The following ZC3H3 variants were observed in gnomAD, a reference collection of about 807,000 sequenced individuals.
ZC3H3 encodes the protein zinc finger CCCH domain-containing protein 3.
A neutral mutation model predicts 77.3 loss-of-function variants in ZC3H3; 36 were observed. The ratio of observed to expected loss-of-function variants is 0.47; its 90% CI spans 0.36 to 0.61. The LOEUF (loss-of-function observed/expected upper bound fraction) is 0.61, where lower values mean the gene tolerates loss of function less well. Ranked by LOEUF, ZC3H3 falls within the 20% of genes least tolerant of loss-of-function variation. ZC3H3 has a pLI of 0.00. For missense variants in ZC3H3, 1,331 were observed against 1,312.2 expected, an observed-to-expected ratio of 1.01 and a Z score of -0.22; for synonymous variants, 626 against 555.2, an observed-to-expected ratio of 1.13 and a Z score of -1.79.
Position 143,536,305 on chromosome 8 carries a change from G to A in ZC3H3, c.1513C>T (p.Arg505Ter), listed in dbSNP as rs746985724. The change falls in exon 3 of 12, where the codon CGA (arginine) becomes TGA (stop). Residue 505 changes from arginine to a stop codon, truncating the protein, a stop_gained. Coordinates refer to ENST00000262577, the MANE Select transcript of ZC3H3 (RefSeq NM_015117.3). LOFTEE classifies it high-confidence loss of function. ...CGGCTCGGTGGCAGGCGACATAGTC[G>A]GTGCGTGGTGACCTGTACCAGGCCC... ...NKGLVQVTTH[R>*]LCRLPPSRAH... is the part of the protein sequence containing the mutation. The A allele has an allele frequency of 1.2e-5, 20 of 1,611,926 alleles. No homozygotes were observed. The highest frequency in any genetic ancestry group is 3.3e-5 in the Admixed American group (2 of 59,902).
intron 3 of ZC3H3, among the ~76,000 whole-genome samples, chr8:143,524,500 CCCAGCTGGGCCAAGAGG>C (rs1822349341): frequency 6.6e-6 from 1 of 152,238 alleles, no homozygotes; most frequent in Admixed American, 6.5e-5. Flanking sequence ...TCAAAGAAAC[CCCAGCTGGGCCAAGAGG>C]CCGCAGCCTC....
intron 1 of ZC3H3, among the ~76,000 whole-genome samples, 174 bp from the exon 2 acceptor site, chr8:143,539,494 G>A (rs902574901): frequency 1.3e-5 from 2 of 152,180 alleles, no homozygotes; most frequent in African/African-American, 2.4e-5. Flanking sequence ...AACTCAGCCC[G>A]CGTCACCTGG....
intron 3 of ZC3H3, among the ~76,000 whole-genome samples, chr8:143,522,699 G>A (rs950453476): frequency 2.6e-5 from 4 of 152,120 alleles, no homozygotes; most frequent in Admixed American, 6.5e-5. Context: ...TAAGCAGATC[G>A]CCTGAGCCCA....
At chr8:143,453,586 G>A (rs1488274197) in intron 9 of ZC3H3, among the ~76,000 whole-genome samples, 1 of 152,072 alleles carries the variant, frequency 6.6e-6, no homozygotes, top group Non-Finnish European at 1.5e-5. Flanking sequence ...GAAAAACAAT[G>A]TCACCAGCAG....
At chr8:143,451,513 T>C (rs1242964917) in intron 9 of ZC3H3, among the ~76,000 whole-genome samples, 1 of 151,972 alleles carries the variant, frequency 6.6e-6, no homozygotes, top group Non-Finnish European at 1.5e-5. Context: ...AAAACTGGCA[T>C]TAAAAAGAAG....
chr8:143,500,709 CA>C (rs1308600786), intron 4 of ZC3H3, among the ~76,000 whole-genome samples: 1 of 152,136 alleles, frequency 6.6e-6, no homozygotes, highest in East Asian at 1.9e-4. Context: ...CCTTTCTGAT[CA>C]GGGGCCCCTC....
chr8:143,538,567 G>C lies in ZC3H3; in HGVS notation c.800C>G (p.Ala267Gly). ...CGGAACTGGCTGATCTGTGTGGCCA[G>C]CATCTACTCTCCTGTCCCCAAGGAG... ...PQLLGDRRVD[A>G]GHTDQPVPSG... Residue 267 changes from alanine to glycine, a missense_variant, in exon 2 of 12, where the codon GCT (alanine) becomes GGT (glycine). Ala to Gly is a moderately conservative substitution (Grantham distance 60, BLOSUM62 0). This residue lies in a region of ZC3H3 where 978 missense variants were observed against 915.5 expected (regional missense o/e 1.07). Transcript: ENST00000262577. The C allele has an allele frequency of 6.2e-7, 1 of 1,611,150 alleles. No homozygotes were observed. Among genetic ancestry groups the C allele is most frequent in the Non-Finnish European group, 8.5e-7 (1 of 1,180,014 alleles).
chr8:143,441,581 AGGGCT>A (rs938473054), intron 9 of ZC3H3, among the ~76,000 whole-genome samples: 1 of 152,160 alleles, frequency 6.6e-6, no homozygotes, highest in Admixed American at 6.5e-5. Context: ...GCACTGGGTC[AGGGCT>A]GGGCTGGGCT....
rs539928786 is a variant in ZC3H3, at chr8:143,460,249, A to AAAATAAATAAATAAATAAAT, written c.2307+5448_2307+5467dup. Among the ~76,000 whole-genome samples the AAAATAAATAAATAAATAAAT allele has an allele frequency of 6.9e-6, 1 of 144,118 alleles. No individual in the cohort carries two copies. Among genetic ancestry groups the AAAATAAATAAATAAATAAAT allele is most frequent in the African/African-American group, 2.5e-5 (1 of 39,578 alleles). 94.5% of individuals were successfully genotyped at this position (144,118 alleles called of 152,430 possible). A position where few individuals can be genotyped will look rare whatever the true frequency, so the allele number is the denominator to read the frequency against. On this transcript the variant is annotated intron_variant, in intron 9 of 11. Coordinates refer to ENST00000262577, the MANE Select transcript of ZC3H3 (RefSeq NM_015117.3). The surrounding 1 kb of genome is among the most constrained non-coding windows in gnomAD (Gnocchi z 4.0). ...GGCGACAGAGTGAGACTATGTCTCAAAAATAAATAAATAAATAAATAAATA... is the reference window on the plus strand; with the variant it reads ...GGCGACAGAGTGAGACTATGTCTCAAAAATAAATAAATAAATAAATAAATAAATAAATAAATAAATAAATA...
intron 4 of ZC3H3, among the ~76,000 whole-genome samples, chr8:143,478,012 C>T (rs1179981885): frequency 6.6e-6 from 1 of 152,176 alleles, no homozygotes; most frequent in Non-Finnish European, 1.5e-5. Context: ...AGTCTGCACT[C>T]TCGGGGGAAG....
rs767990532 is a variant in ZC3H3, at chr8:143,475,423, C to T, written c.1878G>A (p.Ala626=). Residue 626 remains alanine (A), a synonymous_variant, in exon 5 of 12, where the codon GCG becomes GCA. Transcript: ENST00000262577. ...LSKTSGQPSD[A]GSRPLLRTGR... is the part of the protein sequence containing the mutation. ...CTGTGCGCAGGAGGGGCCTGCTGCC[C>T]GCATCACTGGGCTGGCCGGAGGTCT... is the stretch of plus-strand genomic sequence containing the variant. 22 of 1,612,854 alleles carry T rather than the reference C, an allele frequency of 1.4e-5. No individual in the cohort carries two copies. Among genetic ancestry groups the T allele is most frequent in the Middle Eastern group, 1.6e-4 (1 of 6,076 alleles).
intron 11 of ZC3H3, among the ~76,000 whole-genome samples, chr8:143,438,675 G>A (rs1335583337): frequency 5.9e-5 from 9 of 152,136 alleles, no homozygotes; most frequent in Admixed American, 5.9e-4. Context: ...TCACTCACTG[G>A]GTGCCAGCGC....
chr8:143,461,873 C>T (rs416305), intron 9 of ZC3H3, among the ~76,000 whole-genome samples: 151,522 of 152,150 alleles, frequency 1, 75,448 homozygotes, highest in East Asian at 1. Context: ...GAAAGCTGCG[C>T]TGTGGTGCAG....
At position 143,538,824 on chromosome 8, in the gene ZC3H3, C is replaced by A. The variant is rs757777340; in HGVS notation, c.543G>T (p.Gly181=). The A allele has an allele frequency of 1.9e-6, 3 of 1,612,040 alleles. No homozygotes were observed. Among genetic ancestry groups the A allele is most frequent in the Non-Finnish European group, 2.5e-6 (3 of 1,179,610 alleles). The stretch of plus-strand genomic sequence containing the variant: ...GAAGAGGATCTTCCACACTGCAGGT[C>A]CCCCTGGCTCTTGTTGGCCTCGAGG... ...LQPSRPTRAR[G]TCSVEDPLLV... is the part of the protein sequence containing the mutation. Residue 181 remains glycine (G), a synonymous_variant, in exon 2 of 12, where the codon GGG becomes GGT. Transcript: ENST00000262577.
chr8:143,464,905 A>T (rs374933174), intron 9 of ZC3H3, among the ~76,000 whole-genome samples: 1 of 152,238 alleles, frequency 6.6e-6, no homozygotes, highest in African/African-American at 2.4e-5. Context: ...GCGGGGAGAG[A>T]AACAGGCGTG....
At chr8:143,463,175 G>A (rs921513273) in intron 9 of ZC3H3, among the ~76,000 whole-genome samples, 2 of 152,116 alleles carry the variant, frequency 1.3e-5, no homozygotes, top group Non-Finnish European at 2.9e-5. Flanking sequence ...AGTAGAGATG[G>A]GGTTTCACCA....
intron 4 of ZC3H3, among the ~76,000 whole-genome samples, chr8:143,504,624 G>T (rs1821631877): frequency 6.6e-6 from 1 of 152,134 alleles, no homozygotes; most frequent in Admixed American, 6.5e-5. Context: ...TCAGGTTCAC[G>T]CTGCACTGCG....
At chr8:143,445,441 C>A (rs944884403) in intron 9 of ZC3H3, among the ~76,000 whole-genome samples, 1 of 123,836 alleles carries the variant, frequency 8.1e-6, no homozygotes, top group Non-Finnish European at 1.7e-5. Flanking sequence ...AGGTAGGAGG[C>A]CAGGGCGGGA....
At chr8:143,438,515 G>A (rs1309118306) in intron 11 of ZC3H3, among the ~76,000 whole-genome samples, 2 of 152,228 alleles carry the variant, frequency 1.3e-5, no homozygotes, top group African/African-American at 4.8e-5. Context: ...GCTTCCATGT[G>A]GAAAGCCGGG....
Sources: gnomAD v4.1 joint callset for allele counts (sites outside exome capture counted in the v4.1 genomes callset) on GRCh38, gnomAD v4.1.1 for gene constraint, gnomAD v4.1.1 regional missense constraint, Gnocchi (gnomAD v3.1) non-coding constraint, MANE v1.5 for transcripts, NCBI Gene and HGNC (gene_info 2026-07-23, HGNC 2026-07-21) for gene names.